Variants in SUGCT observed in about 807,000 individuals in gnomAD.
The protein encoded by SUGCT is succinyl-CoA:glutarate CoA-transferase.
SUGCT carries 41 observed loss-of-function variants against 55.0 expected under a neutral mutation model. The observed-to-expected ratio is 0.74, with a 90% CI of 0.58 to 0.97. The LOEUF is 0.97. Ranked by LOEUF, SUGCT falls within the 50% of genes least tolerant of loss-of-function variation. SUGCT has a pLI of 0.00. For synonymous variants in SUGCT, 187 were observed against 200.4 expected (o/e 0.93, Z 0.56); for missense variants, 568 against 547.8 (o/e 1.04, Z -0.37).
intron 9 of SUGCT, among the ~76,000 whole-genome samples, chr7:40,338,672 T>G (rs112789802): frequency 0.015 from 2,318 of 152,242 alleles, 49 homozygotes; most frequent in South Asian, 0.06. Flanking sequence ...AAGGTTTTTA[T>G]CTTCTTTGCG....
At chr7:40,365,624 C>G (rs1354891758) in intron 9 of SUGCT, among the ~76,000 whole-genome samples, 16 of 151,702 alleles carry the variant, frequency 1.1e-4, no homozygotes, top group South Asian at 6.2e-4. Flanking sequence ...CAATAACAGA[C>G]AAACAGAGAG....
At chr7:40,660,188 A>G (rs1801233979) in intron 12 of SUGCT, among the ~76,000 whole-genome samples, 1 of 152,216 alleles carries the variant, frequency 6.6e-6, no homozygotes, top group African/African-American at 2.4e-5. Flanking sequence ...CCCATATTCA[A>G]TATGAGGTAA....
At chr7:40,719,398 C>T (rs1471673601) in intron 12 of SUGCT, among the ~76,000 whole-genome samples, 2 of 152,176 alleles carry the variant, frequency 1.3e-5, no homozygotes, top group Admixed American at 1.3e-4. Context: ...CACCCCTGAC[C>T]ATGGTCTCCC....
intron 2 of SUGCT, among the ~76,000 whole-genome samples, chr7:40,181,613 G>T (rs1785213711): frequency 6.6e-6 from 1 of 152,062 alleles, no homozygotes; most frequent in African/African-American, 2.4e-5. Context: ...AGGCGTGGTG[G>T]TGGGCACCTG....
In SUGCT at chr7:40,643,296, G is replaced by A. The variant is rs117646103; in HGVS notation, c.1090-106138G>A. On this transcript the variant is annotated intron_variant, in intron 12 of 13. Coordinates refer to ENST00000335693, the MANE Select transcript of SUGCT (RefSeq NM_001193313.2). ...GGACCTTGTCAAGATGAGCCAAACC[G>A]TGATGGATCCTAGTAGAGTACCTCC... Among the ~76,000 whole-genome samples the A allele has an allele frequency of 7.8e-4, 119 of 152,300 alleles. 2 individuals carry two copies. The East Asian group carries it at 0.02, about 25-fold the overall frequency.
chr7:40,536,079 C>G (rs1369134223), intron 12 of SUGCT, among the ~76,000 whole-genome samples: 3 of 152,096 alleles, frequency 2.0e-5, no homozygotes, highest in Non-Finnish European at 2.9e-5. Context: ...AGACCTTTGT[C>G]GAATGCATGG....
intron 12 of SUGCT, among the ~76,000 whole-genome samples, chr7:40,583,988 T>C (rs1222308741): frequency 6.6e-6 from 1 of 152,212 alleles, no homozygotes; most frequent in Non-Finnish European, 1.5e-5. Context: ...CTATATAAGT[T>C]GGTGGAGTTG....
At chr7:40,307,389 A>G (rs1270625188) in intron 8 of SUGCT, among the ~76,000 whole-genome samples, 1 of 152,174 alleles carries the variant, frequency 6.6e-6, no homozygotes, top group African/African-American at 2.4e-5. Flanking sequence ...GTAAGTTCCA[A>G]CTAAACTTTT....
chr7:40,896,866 T>G, the SUGCT span, among the ~76,000 whole-genome samples: 1 of 152,100 alleles, frequency 6.6e-6, no homozygotes. Context: ...AATCCTAAAA[T>G]CTATATGAAA....
intron 6 of SUGCT, among the ~76,000 whole-genome samples, chr7:40,223,041 CCA>C (rs1788128071): frequency 6.8e-6 from 1 of 147,972 alleles, no homozygotes; most frequent in Non-Finnish European, 1.5e-5. Context: ...TTCCTTCCTT[CCA>C]TCCATCCACC....
At chr7:40,203,666 T>C (rs1019744969) in intron 6 of SUGCT, among the ~76,000 whole-genome samples, 1 of 151,824 alleles carries the variant, frequency 6.6e-6, no homozygotes, top group African/African-American at 2.4e-5. Context: ...TCCCAGCTAC[T>C]TGGGAGACTG....
intron 9 of SUGCT, among the ~76,000 whole-genome samples, chr7:40,346,367 TAAAA>T (rs1227528034): frequency 2.0e-5 from 3 of 152,004 alleles, no homozygotes; most frequent in African/African-American, 7.2e-5. Flanking sequence ...CTTCCATAAC[TAAAA>T]AAAGTCTATT....
At chr7:40,325,800 G>T (rs531209674) in intron 9 of SUGCT, among the ~76,000 whole-genome samples, 1 of 151,674 alleles carries the variant, frequency 6.6e-6, no homozygotes, top group African/African-American at 2.4e-5. Context: ...GCAAAACTCC[G>T]TCTCAAAACA....
intron 8 of SUGCT, among the ~76,000 whole-genome samples, chr7:40,290,640 C>A: frequency 6.6e-6 from 1 of 152,056 alleles, no homozygotes; most frequent in Non-Finnish European, 1.5e-5. Flanking sequence ...GCAACAAAAG[C>A]CAAAATTGAC....
chr7:40,927,961 A>G, the SUGCT span, among the ~76,000 whole-genome samples: 1 of 152,196 alleles, frequency 6.6e-6, no homozygotes, highest in Non-Finnish European at 1.5e-5. Context: ...TTAAAAAGAT[A>G]TAATTTCATT....
intron 12 of SUGCT, among the ~76,000 whole-genome samples, chr7:40,503,740 A>G (rs1014242066): frequency 1.3e-5 from 2 of 152,182 alleles, no homozygotes; most frequent in African/African-American, 4.8e-5. Flanking sequence ...TTTTAAGAAA[A>G]GGAAAGGTTT....
At chr7:40,559,637 T>G (rs1338160284) in intron 12 of SUGCT, among the ~76,000 whole-genome samples, 1 of 152,262 alleles carries the variant, frequency 6.6e-6, no homozygotes, top group Non-Finnish European at 1.5e-5. Flanking sequence ...ACATTTACTC[T>G]GACACACTTT....
intron 7 of SUGCT, among the ~76,000 whole-genome samples, chr7:40,242,366 G>A (rs933228584): frequency 6.6e-5 from 10 of 151,590 alleles, no homozygotes; most frequent in South Asian, 4.2e-4. Context: ...TAGTAGAGAC[G>A]GGGTTTCACC....
chr7:40,820,933 G>A (rs36200804), intron 13 of SUGCT, among the ~76,000 whole-genome samples: 60,114 of 151,934 alleles, frequency 0.4, 12,797 homozygotes, highest in Middle Eastern at 0.57. Context: ...TTTGAGATAC[G>A]TCCCATCAAT....
Sources: gnomAD v4.1 joint callset for allele counts (sites outside exome capture counted in the v4.1 genomes callset) on GRCh38, gnomAD v4.1.1 for gene constraint, MANE v1.5 for transcripts, NCBI Gene and HGNC (gene_info 2026-07-23, HGNC 2026-07-21) for gene names.